FHIP1A: variants seen among roughly 807,000 people sequenced by gnomAD.
The protein encoded by FHIP1A is FHF complex subunit HOOK-interacting protein 1A.
In FHIP1A, 61 loss-of-function variants were observed where a neutral mutation model predicts 88.6. The ratio of observed to expected loss-of-function variants is 0.69; its 90% CI spans 0.56 to 0.85. The LOEUF (loss-of-function observed/expected upper bound fraction) is 0.85, where lower values mean the gene tolerates loss of function less well. Among genes scored for constraint, FHIP1A ranks in the 40% least tolerant of loss-of-function variants. The pLI is 0.00. For synonymous variants in FHIP1A, 478 were observed against 496.0 expected, an observed-to-expected ratio of 0.96 and a Z score of 0.48; for missense variants, 1,154 against 1,273.5, an observed-to-expected ratio of 0.91 and a Z score of 1.43.
intron 7 of FHIP1A, among the ~76,000 whole-genome samples, chr4:151,604,551 TAA>T (rs976132325): frequency 6.6e-6 from 1 of 152,152 alleles, no homozygotes; most frequent in African/African-American, 2.4e-5. Context: ...CTTACCAATT[TAA>T]AAATGAATTT....
chr4:151,468,086 C>T (rs1015078943), intron 2 of FHIP1A, among the ~76,000 whole-genome samples: 3 of 151,236 alleles, frequency 2.0e-5, no homozygotes, highest in South Asian at 2.1e-4. Context: ...AGATTGAGAC[C>T]GTCCTGGCTA....
chr4:151,423,116 G>A (rs1050016045), intron 1 of FHIP1A, among the ~76,000 whole-genome samples: 2 of 152,166 alleles, frequency 1.3e-5, no homozygotes, highest in African/African-American at 2.4e-5. Flanking sequence ...TCTTTTTGCT[G>A]TTTTGAAATA....
Position 151,566,236 on chromosome 4 carries a change from A to G in FHIP1A, c.-24A>G. Reference sequence around the variant, plus strand: ...TTTTAATGAAAATTAAATATGACTTAGAAGCATTGATTTATGAAGGCTTAT... The same window carrying G: ...TTTTAATGAAAATTAAATATGACTTGGAAGCATTGATTTATGAAGGCTTAT... On this transcript the variant is annotated 5_prime_UTR_variant, in exon 4 of 14. The change abolishes the stop of an existing upstream ORF in the 5' untranslated region. Transcript: ENST00000435205. The G allele has an allele frequency of 6.9e-7, 1 of 1,443,340 alleles. No homozygotes were observed. Among genetic ancestry groups the G allele is most frequent in the Non-Finnish European group, 9.5e-7 (1 of 1,057,936 alleles). 89.4% of individuals were successfully genotyped at this position (1,443,340 alleles called of 1,614,324 possible). A position where few individuals can be genotyped will look rare whatever the true frequency, so the allele number is the denominator to read the frequency against.
At chr4:151,526,671 C>G (rs535208615) in intron 3 of FHIP1A, among the ~76,000 whole-genome samples, 3 of 151,268 alleles carry the variant, frequency 2.0e-5, no homozygotes, top group East Asian at 2.0e-4. Flanking sequence ...GCTGACCCCC[C>G]CTCCTCCCTC....
intron 7 of FHIP1A, among the ~76,000 whole-genome samples, chr4:151,621,152 C>T (rs1474810765): frequency 6.6e-6 from 1 of 152,084 alleles, no homozygotes; most frequent in Admixed American, 6.5e-5. Context: ...TTTCTCTCAC[C>T]GCACACTAAG....
intron 3 of FHIP1A, among the ~76,000 whole-genome samples, chr4:151,550,616 T>C (rs1048807671): frequency 6.6e-6 from 1 of 152,238 alleles, no homozygotes; most frequent in Non-Finnish European, 1.5e-5. Flanking sequence ...TAATATTCTT[T>C]CTTGGTTTGA....
At chr4:151,533,305 T>C (rs1731948274) in intron 3 of FHIP1A, among the ~76,000 whole-genome samples, 2 of 151,916 alleles carry the variant, frequency 1.3e-5, no homozygotes, top group Admixed American at 1.3e-4. Flanking sequence ...TGGTCGGGGT[T>C]GGGGGGCACC....
intron 3 of FHIP1A, among the ~76,000 whole-genome samples, chr4:151,490,330 G>A (rs533178368): frequency 8.5e-5 from 13 of 152,272 alleles, no homozygotes; most frequent in South Asian, 2.1e-4. Context: ...ATCACATCAC[G>A]GGACTCTTTG....
chr4:151,612,360 T>C (rs1735353879), intron 7 of FHIP1A, among the ~76,000 whole-genome samples: 1 of 152,180 alleles, frequency 6.6e-6, no homozygotes, highest in Non-Finnish European at 1.5e-5. Context: ...CATGGGCTGC[T>C]TGGGGGTACC....
chr4:151,519,390 A>G (rs532848372), intron 3 of FHIP1A, among the ~76,000 whole-genome samples: 13 of 152,124 alleles, frequency 8.5e-5, no homozygotes, highest in East Asian at 3.9e-4. Flanking sequence ...TGTTTTTGAG[A>G]TTCATTCAGG....
At chr4:151,601,423 T>C (rs1474421478) in intron 7 of FHIP1A, among the ~76,000 whole-genome samples, 1 of 151,568 alleles carries the variant, frequency 6.6e-6, no homozygotes, top group Admixed American at 6.6e-5. Flanking sequence ...TCCTGTAGAG[T>C]GTGTTTGGGT....
intron 1 of FHIP1A, among the ~76,000 whole-genome samples, chr4:151,448,883 C>A (rs1195010908): frequency 6.6e-6 from 1 of 152,168 alleles, no homozygotes; most frequent in African/African-American, 2.4e-5. Context: ...AACTGCCATA[C>A]TGTTTTCCTT....
In FHIP1A at chr4:151,463,488, T is replaced by A. The variant is rs112451091; in HGVS notation, c.-248+8680T>A. Among the ~76,000 whole-genome samples the A allele has an allele frequency of 3.3e-3, 508 of 152,312 alleles. 3 individuals are homozygous for A. The highest frequency in any genetic ancestry group is 0.012 in the African/African-American group (493 of 41,566). On this transcript the variant is annotated intron_variant, in intron 2 of 13. Coordinates refer to ENST00000435205, the MANE Select transcript of FHIP1A (RefSeq NM_001109977.3). ...TTCCAGGAATGGATGACCTTCCAAT[T>A]AGAAGATTACACTTCCTCCTTTGCC...
At chr4:151,539,207 T>A (rs557836286) in intron 3 of FHIP1A, among the ~76,000 whole-genome samples, 35 of 152,364 alleles carry the variant, frequency 2.3e-4, no homozygotes, top group African/African-American at 6.5e-4. Flanking sequence ...GATACTTTTT[T>A]AAGCAAGAAT....
chr4:151,519,600 T>C (rs1485902339), intron 3 of FHIP1A, among the ~76,000 whole-genome samples: 2 of 152,176 alleles, frequency 1.3e-5, no homozygotes, highest in Non-Finnish European at 2.9e-5. Context: ...TATGTGAATA[T>C]GTATATATAC....
intron 7 of FHIP1A, among the ~76,000 whole-genome samples, chr4:151,621,413 A>G (rs372344843): frequency 3.0e-4 from 46 of 152,104 alleles, no homozygotes; most frequent in East Asian, 1.9e-3. Context: ...ATAAGCTAGG[A>G]GTGAAATCTG....
chr4:151,522,235 G>T (rs1039791029), intron 3 of FHIP1A, among the ~76,000 whole-genome samples: 1 of 152,138 alleles, frequency 6.6e-6, no homozygotes. Context: ...CTTCAGTGCT[G>T]ATCCAGTTTC....
intron 4 of FHIP1A, among the ~76,000 whole-genome samples, chr4:151,569,315 A>T (rs1037233176): frequency 1.8e-4 from 27 of 152,204 alleles, no homozygotes; most frequent in Admixed American, 1.6e-3. Flanking sequence ...GCACTTTGGA[A>T]GGATGAGGCG....
chr4:151,432,976 A>G (rs1482071655), intron 1 of FHIP1A, among the ~76,000 whole-genome samples: 1 of 152,066 alleles, frequency 6.6e-6, no homozygotes, highest in Non-Finnish European at 1.5e-5. Flanking sequence ...GCAGAGATGA[A>G]GGGAAGGGTA....
Sources: allele counts gnomAD v4.1 joint callset (sites outside exome capture counted in the v4.1 genomes callset), GRCh38; gene constraint gnomAD v4.1.1; transcripts MANE v1.5; gene names NCBI Gene and HGNC (gene_info 2026-07-23, HGNC 2026-07-21).